Variants in FER observed in about 807,000 individuals in gnomAD.
The protein encoded by FER is FER tyrosine kinase.
In FER, 63 loss-of-function variants were observed where a neutral mutation model predicts 111.0. That is an observed-to-expected ratio of 0.57 (90% CI 0.46 to 0.70). The LOEUF (loss-of-function observed/expected upper bound fraction) is 0.70. FER is among the 30% of genes least tolerant of loss of function. FER has a pLI of 0.00. For missense variants in FER, 914 were observed against 954.0 expected (o/e 0.96, Z 0.55); for synonymous variants, 327 against 313.9 (o/e 1.04, Z -0.44).
intron 18 of FER, among the ~76,000 whole-genome samples, chr5:109,182,394 T>C (rs185902575): frequency 6.6e-6 from 1 of 152,226 alleles, no homozygotes; most frequent in Non-Finnish European, 1.5e-5. Flanking sequence ...CCAGTTCCAC[T>C]ATTCCTTAGA....
intron 13 of FER, among the ~76,000 whole-genome samples, chr5:108,972,942 G>A (rs933470386): frequency 1.6e-4 from 25 of 151,980 alleles, no homozygotes; most frequent in Admixed American, 7.9e-4. Context: ...AGTGCTCTTC[G>A]GAAACTTCAT....
In FER at chr5:109,101,398, GGCTTT is replaced by G. The variant is rs376415654; in HGVS notation, c.2048+885_2048+889del. 2.0e-3 allele frequency among the ~76,000 whole-genome samples: 302 copies of G among 151,974 alleles called. 2 individuals are homozygous for G. Among genetic ancestry groups the G allele is most frequent in the African/African-American group, 6.6e-3 (274 of 41,500 alleles). The stretch of plus-strand genomic sequence containing the variant: ...TTTCTCTGAGGGGAATCATTGTCCA[GGCTTT>G]GCTTTAACACTCTAGTGAGGTTGTA... On this transcript the variant is annotated intron_variant, in intron 17 of 19. Coordinates refer to ENST00000281092, the MANE Select transcript of FER (RefSeq NM_005246.4).
intron 13 of FER, among the ~76,000 whole-genome samples, chr5:109,022,706 C>A (rs935333181): frequency 2.2e-4 from 34 of 152,146 alleles, no homozygotes; most frequent in Non-Finnish European, 2.5e-4. Flanking sequence ...AAGTCAAGAC[C>A]TGGAACATGA....
intron 5 of FER, among the ~76,000 whole-genome samples, chr5:108,849,829 C>CA: frequency 6.6e-6 from 1 of 152,168 alleles, no homozygotes; most frequent in East Asian, 1.9e-4. Context: ...AAATGTAGAA[C>CA]ATTGCCTTGA....
intron 9 of FER, 68 bp from the exon 10 acceptor site, chr5:108,897,591 T>C: frequency 1.8e-6 from 2 of 1,116,768 alleles, no homozygotes; most frequent in East Asian, 2.9e-5. Context: ...AAGCATAATT[T>C]ACATATATGA....
chr5:108,815,649 A>G (rs930397500), intron 3 of FER, among the ~76,000 whole-genome samples: 1 of 152,190 alleles, frequency 6.6e-6, no homozygotes, highest in African/African-American at 2.4e-5. Context: ...AGTGATAAAT[A>G]CTATCTTCAA....
chr5:109,041,001 C>G (rs1771091464), intron 14 of FER, among the ~76,000 whole-genome samples: 1 of 152,004 alleles, frequency 6.6e-6, no homozygotes, highest in African/African-American at 2.4e-5. Context: ...AAGTAGGAAA[C>G]AAAAGCATCA....
intron 12 of FER, 58 bp downstream of exon 12, chr5:108,954,990 A>G: frequency 5.0e-6 from 7 of 1,392,388 alleles, no homozygotes; most frequent in Middle Eastern, 2.6e-4. Flanking sequence ...CGGTACAATT[A>G]TATTAAAATA....
chr5:108,846,858 A>G (rs1449090659), intron 5 of FER, among the ~76,000 whole-genome samples: 1 of 151,992 alleles, frequency 6.6e-6, no homozygotes, highest in Non-Finnish European at 1.5e-5. Context: ...TTTTATATTT[A>G]TAGAATGTGT....
At chr5:108,996,597 T>C (rs1476966666) in intron 13 of FER, among the ~76,000 whole-genome samples, 1 of 152,236 alleles carries the variant, frequency 6.6e-6, no homozygotes, top group Non-Finnish European at 1.5e-5. Context: ...TTCTGAGGCC[T>C]CTATTCTGTT....
In FER at chr5:109,190,203, C is replaced by G. The variant is rs191842973; in HGVS notation, c.*2628C>G. On this transcript the variant is annotated 3_prime_UTR_variant, in exon 20 of 20. Transcript: ENST00000281092. Reference sequence around the variant, plus strand: ...TCCATGCCCAGGAAGCACGAACATACTGTTCAGAATGTGCAAGTTGATGTA... The same window carrying G: ...TCCATGCCCAGGAAGCACGAACATAGTGTTCAGAATGTGCAAGTTGATGTA... 4 of 152,250 alleles carry G rather than the reference C, an allele frequency of 2.6e-5. No homozygotes were observed. The East Asian group carries it at 7.7e-4, about 29-fold the overall frequency. The allele number at this position is 152,250 out of a possible 1,614,324, so 9.4% of individuals were successfully genotyped here. A position where few individuals can be genotyped will look rare whatever the true frequency, so the allele number is the denominator to read the frequency against.
chr5:108,993,274 T>C (rs568256211), intron 13 of FER, among the ~76,000 whole-genome samples: 44 of 152,320 alleles, frequency 2.9e-4, no homozygotes, highest in African/African-American at 9.6e-4. Flanking sequence ...AACGAGACTC[T>C]GTCTGCAATC....
intron 10 of FER, among the ~76,000 whole-genome samples, chr5:108,931,746 C>T (rs1339400373): frequency 6.6e-6 from 1 of 152,044 alleles, no homozygotes; most frequent in Non-Finnish European, 1.5e-5. Flanking sequence ...AGGAGAAACG[C>T]TTGAACCTGG....
chr5:109,176,041 C>T (rs917273700), intron 17 of FER, among the ~76,000 whole-genome samples: 1 of 151,994 alleles, frequency 6.6e-6, no homozygotes, highest in Admixed American at 6.5e-5. Flanking sequence ...GAAAAGGAAG[C>T]TCTTATACAC....
At position 108,946,197 on chromosome 5, in the gene FER, CA is replaced by C; in HGVS notation, c.1308del (p.Lys436AsnfsTer12). Reference sequence around the variant, plus strand: ...TCAATTGCTGGAATAATTAGGTCTCCAAAATCTGCACTGGGCTCTTCAGCAG... The same window carrying C: ...TCAATTGCTGGAATAATTAGGTCTCCAAATCTGCACTGGGCTCTTCAGCAG... Reference protein sequence around the residue: ...RHSIAGIIRSPKSALGSSALS... With the variant: ...RHSIAGIIRSXKSALGSSALS... On this transcript the variant is annotated frameshift_variant, in exon 11 of 20. Coordinates refer to ENST00000281092, the MANE Select transcript of FER (RefSeq NM_005246.4). LOFTEE classifies it high-confidence loss of function. 1 of 1,611,886 alleles carries C rather than the reference CA, an allele frequency of 6.2e-7. No homozygotes were observed. The highest frequency in any genetic ancestry group is 8.5e-7 in the Non-Finnish European group (1 of 1,178,714).
At chr5:108,770,681 G>T (rs1752805843) in intron 2 of FER, among the ~76,000 whole-genome samples, 1 of 152,010 alleles carries the variant, frequency 6.6e-6, no homozygotes. Flanking sequence ...TGGCCTATTT[G>T]GAGATTTTCA....
chr5:108,838,916 GTTGA>G (rs1237628408), intron 5 of FER, among the ~76,000 whole-genome samples: 9 of 152,260 alleles, frequency 5.9e-5, no homozygotes, highest in Middle Eastern at 3.4e-3. Context: ...TTGAACATTA[GTTGA>G]TTGATTATTA....
intron 13 of FER, among the ~76,000 whole-genome samples, chr5:108,975,773 A>G (rs1761253323): frequency 6.6e-6 from 1 of 152,166 alleles, no homozygotes; most frequent in Non-Finnish European, 1.5e-5. Context: ...TAAAATTACG[A>G]ATCATTAGCT....
At chr5:109,146,198 A>AATCT (rs200295439) in intron 17 of FER, among the ~76,000 whole-genome samples, 11,913 of 89,390 alleles carry the variant, frequency 0.13, 1,168 homozygotes, top group Non-Finnish European at 0.17. Flanking sequence ...ATATATATAT[A>AATCT]ATCTATCTAT....
Sources: gnomAD v4.1 joint callset for allele counts (sites outside exome capture counted in the v4.1 genomes callset) on GRCh38, gnomAD v4.1.1 for gene constraint, MANE v1.5 for transcripts, NCBI Gene and HGNC (gene_info 2026-07-23, HGNC 2026-07-21) for gene names.